ZC3H7A: variants seen among roughly 807,000 people sequenced by gnomAD.
ZC3H7A encodes the protein zinc finger CCCH domain-containing protein 7A.
Under a neutral mutation model 125.5 loss-of-function variants are expected in ZC3H7A, and 44 were observed. The ratio of observed to expected loss-of-function variants is 0.35; its 90% CI spans 0.28 to 0.45. ZC3H7A has a LOEUF of 0.45. Among genes scored for constraint, ZC3H7A ranks in the 20% least tolerant of loss-of-function variants. ZC3H7A has a pLI of 1.00. For missense variants in ZC3H7A, 977 were observed against 1,170.7 expected (o/e 0.83, Z 2.41); for synonymous variants, 399 against 391.2 (o/e 1.02, Z -0.23).
intron 17 of ZC3H7A, among the ~76,000 whole-genome samples, chr16:11,762,289 C>T (rs1168688089): frequency 1.3e-5 from 2 of 151,966 alleles, no homozygotes; most frequent in Admixed American, 6.6e-5. Flanking sequence ...AAATTGATGA[C>T]TAGAATTGTT....
chr16:11,769,154 C>T, intron 10 of ZC3H7A, 59 bp from the exon 11 acceptor site: 2 of 1,463,684 alleles, frequency 1.4e-6, no homozygotes, highest in Non-Finnish European at 9.3e-7. Context: ...ATAAGAACAT[C>T]AGGGCTTAGT....
chr16:11,793,588 C>T (rs1399752830), intron 1 of ZC3H7A, among the ~76,000 whole-genome samples: 2 of 152,104 alleles, frequency 1.3e-5, no homozygotes, highest in South Asian at 4.1e-4. Context: ...ATATTCAATT[C>T]TATCCCCAGA....
chr16:11,751,930 G>A, intron 22 of ZC3H7A, among the ~76,000 whole-genome samples: 1 of 138,392 alleles, frequency 7.2e-6, no homozygotes, highest in Non-Finnish European at 1.5e-5. Context: ...TTGAGACAGA[G>A]TCTCACTGTT....
chr16:11,754,858 C>A (rs2052613251), intron 21 of ZC3H7A, among the ~76,000 whole-genome samples: 1 of 139,034 alleles, frequency 7.2e-6, no homozygotes, highest in Non-Finnish European at 1.5e-5. Flanking sequence ...CATCATTGCA[C>A]TCGTGCCTGG....
chr16:11,776,939 G>T, intron 4 of ZC3H7A, 30 bp from the exon 5 acceptor site: 2 of 1,518,914 alleles, frequency 1.3e-6, no homozygotes, highest in Non-Finnish European at 1.8e-6. Flanking sequence ...AATAAAGTCA[G>T]CAATCAAACA....
chr16:11,796,032 T>G (rs955194870), intron 1 of ZC3H7A, among the ~76,000 whole-genome samples: 1 of 151,906 alleles, frequency 6.6e-6, no homozygotes, highest in Non-Finnish European at 1.5e-5. Flanking sequence ...GGGGTCTCAC[T>G]ATGTTGCTGA....
At chr16:11,773,347 T>C (rs1383563262) in intron 9 of ZC3H7A, among the ~76,000 whole-genome samples, 1 of 151,954 alleles carries the variant, frequency 6.6e-6, no homozygotes, top group Non-Finnish European at 1.5e-5. Flanking sequence ...CCAGGCTGTT[T>C]TTAATTTTTT....
chr16:11,758,098 G>A (rs538054281), intron 20 of ZC3H7A, among the ~76,000 whole-genome samples: 175 of 152,252 alleles, frequency 1.1e-3, no homozygotes, highest in Middle Eastern at 3.4e-3. Context: ...TTTCCAATAC[G>A]AGCAGATGAT....
At chr16:11,751,903 C>CTTTT (rs34041916) in intron 22 of ZC3H7A, among the ~76,000 whole-genome samples, 33 of 128,938 alleles carry the variant, frequency 2.6e-4, no homozygotes, top group Admixed American at 5.2e-4. Flanking sequence ...ACTGAAAAAC[C>CTTTT]TTTTTTTTTT....
intron 19 of ZC3H7A, chr16:11,759,748 G>A (rs887263624): frequency 1.3e-5 from 2 of 152,340 alleles, no homozygotes; most frequent in Non-Finnish European, 2.9e-5. Context: ...AGACTTTGAA[G>A]CCCATTGTCT....
At chr16:11,786,334 A>G (rs2053256732) in intron 1 of ZC3H7A, among the ~76,000 whole-genome samples, 1 of 152,186 alleles carries the variant, frequency 6.6e-6, no homozygotes, top group East Asian at 1.9e-4. Context: ...GATGTCTGAA[A>G]CCAGGACGAT....
rs1385987843 is a variant in ZC3H7A at position 11,779,272 on chromosome 16, G to A, written c.200C>T (p.Thr67Met). The A allele has an allele frequency of 1.2e-6, 2 of 1,613,774 alleles. No homozygotes were observed. Among genetic ancestry groups the A allele is most frequent in the African/African-American group, 1.3e-5 (1 of 74,886 alleles). Residue 67 changes from threonine (T) to methionine (M), a missense_variant, in exon 4 of 23, where the codon ACG (threonine) becomes ATG (methionine). Thr to Met is a moderately conservative substitution (Grantham distance 81, BLOSUM62 -1). Coordinates refer to ENST00000355758, the MANE Select transcript of ZC3H7A (RefSeq NM_014153.4). Reference sequence around the variant, plus strand: ...ATAATCAGCTATATTCAAGGCTTCCGTGTACTGGCTTATCGAGTTGTTCCA... The same window carrying A: ...ATAATCAGCTATATTCAAGGCTTCCATGTACTGGCTTATCGAGTTGTTCCA... Reference protein sequence around the residue: ...HDWNNSISQYTEALNIADYAK... With the variant: ...HDWNNSISQYMEALNIADYAK...
intron 7 of ZC3H7A, chr16:11,775,432 C>G (rs1214636352): frequency 6.4e-6 from 1 of 156,386 alleles, no homozygotes; most frequent in Non-Finnish European, 1.4e-5. Context: ...CAGGTTTCCA[C>G]AGAAATTCAA....
At chr16:11,787,546 T>G (rs147010572) in intron 1 of ZC3H7A, among the ~76,000 whole-genome samples, 272 of 152,212 alleles carry the variant, frequency 1.8e-3, no homozygotes, top group African/African-American at 6.2e-3. Flanking sequence ...ATTGCAACCT[T>G]AAACTTCCGG....
At chr16:11,779,534 GA>G (rs369414508) in intron 3 of ZC3H7A, among the ~76,000 whole-genome samples, 171 bp from the exon 4 acceptor site, 29 of 152,318 alleles carry the variant, frequency 1.9e-4, no homozygotes, top group African/African-American at 7.0e-4. Flanking sequence ...GCTAGGGATT[GA>G]ATCTTGCTTG....
chr16:11,756,463 T>C, intron 20 of ZC3H7A, 93 bp from the exon 21 acceptor site: 1 of 1,501,110 alleles, frequency 6.7e-7, no homozygotes, highest in Non-Finnish European at 8.9e-7. Flanking sequence ...CAGCATACAG[T>C]TCAAAAGAAA....
rs562104090 is a variant in ZC3H7A, at chr16:11,790,663, C to A, written c.-35+6461G>T. On this transcript the variant is annotated intron_variant, in intron 1 of 22. Coordinates refer to ENST00000355758, the MANE Select transcript of ZC3H7A (RefSeq NM_014153.4). ...CAAGCGATTCTTCTGCCTCAGCCTCCCGAGTAGCTGTGATTACAGGCACAC... is the reference window on the plus strand; with the variant it reads ...CAAGCGATTCTTCTGCCTCAGCCTCACGAGTAGCTGTGATTACAGGCACAC... Among the ~76,000 whole-genome samples, 3 of 152,214 alleles carry A rather than the reference C, an allele frequency of 2.0e-5. No homozygotes were observed. The East Asian group carries it at 5.8e-4, about 30-fold the overall frequency.
chr16:11,792,282 T>G (rs2053367726), intron 1 of ZC3H7A, among the ~76,000 whole-genome samples: 1 of 152,214 alleles, frequency 6.6e-6, no homozygotes, highest in South Asian at 2.1e-4. Context: ...TTAACTGAAC[T>G]CTTACAAACT....
intron 9 of ZC3H7A, 69 bp from the exon 10 acceptor site, chr16:11,771,056 C>T: frequency 4.9e-6 from 7 of 1,416,510 alleles, no homozygotes; most frequent in Non-Finnish European, 5.8e-6. Context: ...CTACTTTCAA[C>T]ACCAGCAAAT....
Sources: allele counts gnomAD v4.1 joint callset (sites outside exome capture counted in the v4.1 genomes callset), GRCh38; gene constraint gnomAD v4.1.1; transcripts MANE v1.5; gene names NCBI Gene and HGNC (gene_info 2026-07-23, HGNC 2026-07-21).